Variants in GPC6 observed in about 807,000 individuals in gnomAD.
GPC6 encodes the protein glypican 6.
A neutral mutation model predicts 55.2 loss-of-function variants in GPC6; 14 were observed. That is an observed-to-expected ratio of 0.25 (90% CI 0.17 to 0.40). The LOEUF (loss-of-function observed/expected upper bound fraction) is 0.40, where lower values mean the gene tolerates loss of function less well. Ranked by LOEUF, GPC6 falls within the 10% of genes least tolerant of loss-of-function variation. The probability of loss-of-function intolerance (pLI) is 1.00; values close to 1 mark genes in which losing one functional copy is unlikely to be tolerated. For missense variants in GPC6, 641 were observed against 708.5 expected (o/e 0.90, Z 1.08); for synonymous variants, 278 against 259.6 (o/e 1.07, Z -0.68).
chr13:93,657,238 G>C (rs922424631), intron 2 of GPC6, among the ~76,000 whole-genome samples: 1 of 151,978 alleles, frequency 6.6e-6, no homozygotes, highest in Non-Finnish European at 1.5e-5. Context: ...CATGGTACTG[G>C]TTCAAAAAAT....
chr13:94,035,301 G>T lies in GPC6; in HGVS notation c.877+7407G>T, dbSNP rs559262801. ...AAATATTTGATGATTCTTTACAGTGGAATTAAATCTATTCCAGAAGGCCAG... is the reference window on the plus strand; with the variant it reads ...AAATATTTGATGATTCTTTACAGTGTAATTAAATCTATTCCAGAAGGCCAG... On this transcript the variant is annotated intron_variant, in intron 4 of 8. Coordinates refer to ENST00000377047, the MANE Select transcript of GPC6 (RefSeq NM_005708.5). Among the ~76,000 whole-genome samples the T allele has an allele frequency of 2.3e-3, 287 of 127,214 alleles. 3 individuals are homozygous for T. Among genetic ancestry groups the T allele is most frequent in the Admixed American group, 6.8e-3 (75 of 10,998 alleles). 83.5% of individuals were successfully genotyped at this position (127,214 alleles called of 152,430 possible). A position where few individuals can be genotyped will look rare whatever the true frequency, so the allele number is the denominator to read the frequency against.
At chr13:94,112,774 A>G (rs896114901) in intron 4 of GPC6, among the ~76,000 whole-genome samples, 8 of 152,106 alleles carry the variant, frequency 5.3e-5, no homozygotes, top group African/African-American at 1.9e-4. Flanking sequence ...TAAAAGTGCC[A>G]TTTTATTTTC....
intron 2 of GPC6, among the ~76,000 whole-genome samples, chr13:93,684,281 G>A (rs912782521): frequency 7.9e-5 from 12 of 152,164 alleles, no homozygotes; most frequent in Admixed American, 3.3e-4. Flanking sequence ...CGCCTCCTGG[G>A]TTCAAGAGAT....
At chr13:93,695,209 T>C (rs1195237149) in intron 2 of GPC6, among the ~76,000 whole-genome samples, 2 of 152,104 alleles carry the variant, frequency 1.3e-5, no homozygotes, top group Non-Finnish European at 2.9e-5. Flanking sequence ...CTTTTTATTA[T>C]AAAAATACTT....
At chr13:93,429,197 C>T (rs184211967) in intron 1 of GPC6, among the ~76,000 whole-genome samples, 31 of 152,158 alleles carry the variant, frequency 2.0e-4, no homozygotes, top group Non-Finnish European at 3.8e-4. Context: ...AAGCTAATTC[C>T]GCTTACTTTA....
At chr13:94,271,163 T>G (rs1891994166) in intron 4 of GPC6, among the ~76,000 whole-genome samples, 1 of 150,996 alleles carries the variant, frequency 6.6e-6, no homozygotes, top group African/African-American at 2.4e-5. Flanking sequence ...GCTAATTTTT[T>G]GTATTTTTTA....
At chr13:93,362,746 T>G (rs977423462) in intron 1 of GPC6, among the ~76,000 whole-genome samples, 3 of 152,240 alleles carry the variant, frequency 2.0e-5, no homozygotes, top group Admixed American at 1.3e-4. Flanking sequence ...TTTTCTGATG[T>G]TCTAACTTGC....
intron 1 of GPC6, among the ~76,000 whole-genome samples, chr13:93,359,389 T>A (rs1227339786): frequency 6.6e-6 from 1 of 152,224 alleles, no homozygotes; most frequent in East Asian, 1.9e-4. Context: ...CTTCTGTTAC[T>A]CAACTTCCTC....
At chr13:93,235,514 A>C (rs1876203685) in intron 1 of GPC6, among the ~76,000 whole-genome samples, 1 of 152,108 alleles carries the variant, frequency 6.6e-6, no homozygotes, top group South Asian at 2.1e-4. Flanking sequence ...GGAGGGAAGA[A>C]GGACAGCTAG....
At chr13:93,279,256 C>T (rs1279219357) in intron 1 of GPC6, among the ~76,000 whole-genome samples, 1 of 152,130 alleles carries the variant, frequency 6.6e-6, no homozygotes, top group East Asian at 1.9e-4. Flanking sequence ...CCTGAAGGAG[C>T]ATGTGGATTC....
intron 3 of GPC6, among the ~76,000 whole-genome samples, chr13:93,889,965 T>C (rs898419944): frequency 7.2e-5 from 11 of 152,004 alleles, no homozygotes; most frequent in Non-Finnish European, 1.5e-4. Context: ...TATAGAATCA[T>C]TAAATCAAAA....
intron 2 of GPC6, among the ~76,000 whole-genome samples, chr13:93,602,803 T>C (rs1404896668): frequency 1.3e-5 from 2 of 152,192 alleles, no homozygotes; most frequent in Non-Finnish European, 2.9e-5. Flanking sequence ...AGAATAATTG[T>C]TAAGTACACA....
At chr13:93,624,478 A>G (rs955094802) in intron 2 of GPC6, among the ~76,000 whole-genome samples, 1 of 152,238 alleles carries the variant, frequency 6.6e-6, no homozygotes, top group Non-Finnish European at 1.5e-5. Context: ...TAAAATGACT[A>G]AGAGCTATTT....
chr13:93,770,694 C>T (rs558758711), intron 2 of GPC6, among the ~76,000 whole-genome samples: 3 of 152,120 alleles, frequency 2.0e-5, no homozygotes, highest in Non-Finnish European at 2.9e-5. Context: ...AGTGTCTATT[C>T]CCAGACCCAG....
intron 4 of GPC6, among the ~76,000 whole-genome samples, chr13:94,170,027 T>C (rs769005258): frequency 1.3e-5 from 2 of 152,164 alleles, no homozygotes; most frequent in Non-Finnish European, 2.9e-5. Flanking sequence ...ACAGAGTTGA[T>C]TAAAAGAGCT....
At chr13:93,502,018 A>G (rs1460863327) in intron 1 of GPC6, among the ~76,000 whole-genome samples, 1 of 152,128 alleles carries the variant, frequency 6.6e-6, no homozygotes, top group Non-Finnish European at 1.5e-5. Flanking sequence ...TAGAATATAT[A>G]TTGGTCTTTT....
chr13:94,061,915 G>A (rs1295103995), intron 4 of GPC6, among the ~76,000 whole-genome samples: 1 of 152,154 alleles, frequency 6.6e-6, no homozygotes, highest in African/African-American at 2.4e-5. Flanking sequence ...GAAGCTAAAA[G>A]AAATGTGTAC....
At chr13:93,362,148 A>G (rs1357181498) in intron 1 of GPC6, among the ~76,000 whole-genome samples, 2 of 152,186 alleles carry the variant, frequency 1.3e-5, no homozygotes, top group African/African-American at 4.8e-5. Context: ...TGCCACTCCA[A>G]ATAACTAATC....
At chr13:93,828,821 C>T (rs974843944) in intron 2 of GPC6, among the ~76,000 whole-genome samples, 7 of 152,108 alleles carry the variant, frequency 4.6e-5, no homozygotes, top group South Asian at 2.1e-4. Context: ...TTATTATAGA[C>T]ACCATTTAAT....
Sources: gnomAD v4.1 joint callset for allele counts (sites outside exome capture counted in the v4.1 genomes callset) on GRCh38, gnomAD v4.1.1 for gene constraint, MANE v1.5 for transcripts, NCBI Gene and HGNC (gene_info 2026-07-23, HGNC 2026-07-21) for gene names.